Variants in GMPR observed in about 807,000 individuals in gnomAD.
GMPR encodes the protein GMP reductase 1.
Under a neutral mutation model 38.4 loss-of-function variants are expected in GMPR, and 31 were observed. The ratio of observed to expected loss-of-function variants is 0.81; its 90% CI spans 0.61 to 1.09. The LOEUF (loss-of-function observed/expected upper bound fraction) is 1.09. Among genes scored for constraint, GMPR ranks in the 50% least tolerant of loss-of-function variants. GMPR has a pLI of 0.00. For missense variants in GMPR, 468 were observed against 453.7 expected, an observed-to-expected ratio of 1.03 and a Z score of -0.29; for synonymous variants, 162 against 173.3, an observed-to-expected ratio of 0.93 and a Z score of 0.51.
intron 1 of GMPR, among the ~76,000 whole-genome samples, chr6:16,240,006 T>G (rs556770241): frequency 1.3e-5 from 2 of 152,256 alleles, no homozygotes; most frequent in Non-Finnish European, 2.9e-5. Context: ...AAAAACAGTT[T>G]GGAGGGCAGG....
At chr6:16,242,578 C>T (rs1402631753) in intron 1 of GMPR, among the ~76,000 whole-genome samples, 1 of 152,178 alleles carries the variant, frequency 6.6e-6, no homozygotes, top group East Asian at 1.9e-4. Flanking sequence ...CTGCCTTCAT[C>T]TCCACATGAG....
intron 3 of GMPR, among the ~76,000 whole-genome samples, chr6:16,254,188 C>T (rs1758929520): frequency 6.6e-6 from 1 of 152,182 alleles, no homozygotes; most frequent in Non-Finnish European, 1.5e-5. Context: ...GCCTCGGCCT[C>T]TCAAAGTGCT....
In GMPR at chr6:16,260,904, T is replaced by C. The variant is rs1341265286; in HGVS notation, c.465+6169T>C. 2.0e-5 allele frequency among the ~76,000 whole-genome samples: 3 copies of C among 152,000 alleles called. No individual in the cohort carries two copies. In the East Asian group the frequency reaches 5.8e-4, roughly 29 times the overall value. ...AAGTCCGGGCCAGGAACAATGGTAATTGTGGGACTTAACAAAGAGTGAGTA... is the reference window on the plus strand; with the variant it reads ...AAGTCCGGGCCAGGAACAATGGTAACTGTGGGACTTAACAAAGAGTGAGTA... On this transcript the variant is annotated intron_variant, in intron 4 of 8. Coordinates refer to ENST00000259727, the MANE Select transcript of GMPR (RefSeq NM_006877.4).
chr6:16,246,508 G>T (rs1177564675), intron 1 of GMPR, among the ~76,000 whole-genome samples: 1 of 152,222 alleles, frequency 6.6e-6, no homozygotes, highest in Non-Finnish European at 1.5e-5. Context: ...GCAAGGAAGA[G>T]TGGAGCAGAT....
rs1759053629 is a variant in GMPR, at chr6:16,260,202, A to G, written c.465+5467A>G. 2.0e-5 allele frequency among the ~76,000 whole-genome samples: 3 copies of G among 152,146 alleles called. No individual in the cohort carries two copies. In the South Asian group the frequency reaches 6.2e-4, roughly 32 times the overall value. On this transcript the variant is annotated intron_variant, in intron 4 of 8. Transcript: ENST00000259727. ...GAGCTTGGTGAAGTGTGTTTTTAAA[A>G]GACCTTTAGTCCGTTCTACTTTTCC...
chr6:16,246,895 G>A lies in GMPR; in HGVS notation c.141G>A (p.Gly47=), dbSNP rs1452855344. The A allele has an allele frequency of 6.2e-7, 1 of 1,613,746 alleles. No individual in the cohort carries two copies. The highest frequency in any genetic ancestry group is 1.3e-5 in the African/African-American group (1 of 74,994). The change falls in exon 2 of 9, where the codon GGG becomes GGA. Residue 47 remains glycine (G), a synonymous_variant. Transcript: ENST00000259727. The part of the protein sequence containing the change: ...TFRNSKQTYS[G]IPIIVANMDT... ...GAAATTCAAAGCAGACCTACTCAGG[G>A]ATTCCCATCATCGTGGCCAACATGG...
chr6:16,244,697 C>CT (rs2113667550), intron 1 of GMPR, among the ~76,000 whole-genome samples: 1 of 152,284 alleles, frequency 6.6e-6, no homozygotes, highest in East Asian at 1.9e-4. Flanking sequence ...CTGTGCCAGA[C>CT]TAAGTGCCAA....
At chr6:16,246,425 G>A (rs574252844) in intron 1 of GMPR, among the ~76,000 whole-genome samples, 17 of 152,196 alleles carry the variant, frequency 1.1e-4, no homozygotes, top group Non-Finnish European at 2.1e-4. Flanking sequence ...CTCACTGCAG[G>A]GTGAATTTGG....
chr6:16,275,806 C>T (rs1383882774), intron 5 of GMPR, among the ~76,000 whole-genome samples: 1 of 152,198 alleles, frequency 6.6e-6, no homozygotes, highest in African/African-American at 2.4e-5. Context: ...GCCTGGTCTC[C>T]CAGCACTTTG....
chr6:16,242,014 C>A (rs925184568), intron 1 of GMPR, among the ~76,000 whole-genome samples: 3 of 152,124 alleles, frequency 2.0e-5, no homozygotes, highest in Non-Finnish European at 4.4e-5. Flanking sequence ...GCCGGGATTA[C>A]AGGTGTGAGC....
intron 4 of GMPR, chr6:16,258,102 C>G (rs1001072961): frequency 2.0e-4 from 30 of 152,222 alleles, no homozygotes; most frequent in African/African-American, 7.0e-4. Flanking sequence ...GCCACCTTCA[C>G]TAGCATTTGC....
chr6:16,266,466 A>G (rs1189751041), intron 4 of GMPR, among the ~76,000 whole-genome samples: 3 of 141,632 alleles, frequency 2.1e-5, no homozygotes, highest in East Asian at 4.3e-4. Context: ...GAGCTGTAAC[A>G]CTTCCTGTGG....
In GMPR at chr6:16,246,865, G is replaced by T; in HGVS notation, c.111G>T (p.Thr37=). The change falls in exon 2 of 9, where the codon ACG becomes ACT. Residue 37 remains threonine (T), a synonymous_variant. Transcript: ENST00000259727. ...RAEVDLERTF[T]FRNSKQTYSG... Reference sequence around the variant, plus strand: ...AGGTGGATCTTGAACGCACCTTCACGTTTCGAAATTCAAAGCAGACCTACT... The same window carrying T: ...AGGTGGATCTTGAACGCACCTTCACTTTTCGAAATTCAAAGCAGACCTACT... 3 of 1,613,212 alleles carry T rather than the reference G, an allele frequency of 1.9e-6. No homozygotes were observed. The highest frequency in any genetic ancestry group is 2.7e-5 in the African/African-American group (2 of 74,862).
In GMPR at chr6:16,255,680, C is replaced by T. The variant is rs774596010; in HGVS notation, c.465+945C>T. Among the ~76,000 whole-genome samples, 10 of 152,144 alleles carry T rather than the reference C, an allele frequency of 6.6e-5. No homozygotes were observed. In the South Asian group the frequency reaches 1.9e-3, roughly 28 times the overall value. On this transcript the variant is annotated intron_variant, in intron 4 of 8. Transcript: ENST00000259727. ...AGTACAACTTGGGCTTTTGCAAAAA[C>T]CTGTATTGTAATTATGCAAGTCTTT... is the stretch of plus-strand genomic sequence containing the variant.
At chr6:16,280,086 G>C (rs2113697947) in intron 6 of GMPR, among the ~76,000 whole-genome samples, 1 of 152,314 alleles carries the variant, frequency 6.6e-6, no homozygotes, top group South Asian at 2.1e-4. Flanking sequence ...GCTGGCTCAT[G>C]TGCTGGCTCA....
At chr6:16,266,119 AGCTGT>A (rs1759207314) in intron 4 of GMPR, among the ~76,000 whole-genome samples, 1 of 58,098 alleles carries the variant, frequency 1.7e-5, no homozygotes, top group African/African-American at 1.8e-4. Context: ...CATCTTTAAG[AGCTGT>A]AACACTTGCC....
At chr6:16,258,558 C>G (rs943840436) in intron 4 of GMPR, among the ~76,000 whole-genome samples, 1 of 152,216 alleles carries the variant, frequency 6.6e-6, no homozygotes, top group Admixed American at 6.5e-5. Context: ...ACAGCGAGGC[C>G]CTCTCCAGCA....
intron 8 of GMPR, among the ~76,000 whole-genome samples, chr6:16,292,152 C>T (rs1025135433): frequency 6.6e-6 from 1 of 152,124 alleles, no homozygotes; most frequent in Admixed American, 6.5e-5. Flanking sequence ...GAAACCTAAG[C>T]CCTCCCTGAC....
intron 6 of GMPR, among the ~76,000 whole-genome samples, chr6:16,281,350 C>T (rs936471484): frequency 1.3e-5 from 2 of 152,186 alleles, no homozygotes; most frequent in Non-Finnish European, 2.9e-5. Flanking sequence ...GTCTCATCTG[C>T]TGGTGCCCAA....
Sources: gnomAD v4.1 joint callset for allele counts (sites outside exome capture counted in the v4.1 genomes callset) on GRCh38, gnomAD v4.1.1 for gene constraint, MANE v1.5 for transcripts, NCBI Gene and HGNC (gene_info 2026-07-23, HGNC 2026-07-21) for gene names.